The following TRABD2B variants were observed in gnomAD, a reference collection of about 807,000 sequenced individuals.
The protein encoded by TRABD2B is metalloprotease TIKI2.
A neutral mutation model predicts 40.1 loss-of-function variants in TRABD2B; 14 were observed. The observed-to-expected ratio is 0.35, with a 90% CI of 0.23 to 0.55. The LOEUF is 0.55. TRABD2B is among the 20% of genes least tolerant of loss of function. TRABD2B has a pLI of 0.90. For missense variants in TRABD2B, 541 were observed against 648.6 expected, an observed-to-expected ratio of 0.83 and a Z score of 1.80; for synonymous variants, 263 against 277.0, an observed-to-expected ratio of 0.95 and a Z score of 0.50.
intron 2 of TRABD2B, among the ~76,000 whole-genome samples, chr1:47,859,110 G>T (rs75672632): frequency 0.033 from 5,018 of 152,310 alleles, 197 homozygotes; most frequent in East Asian, 0.15. Context: ...CTTGCTGAGA[G>T]TTATCATTTT....
chr1:47,866,109 T>C (rs1644053109), intron 2 of TRABD2B, among the ~76,000 whole-genome samples: 1 of 152,032 alleles, frequency 6.6e-6, no homozygotes, highest in Non-Finnish European at 1.5e-5. Flanking sequence ...TTCTGCTCTG[T>C]GCGCAAGCAG....
Position 47,997,297 on chromosome 1 carries a change from C to G in TRABD2B, c.-508G>C, listed in dbSNP as rs1483231125. On this transcript the variant is annotated 5_prime_UTR_variant, in exon 1 of 7. Coordinates refer to ENST00000606738, the MANE Select transcript of TRABD2B (RefSeq NM_001194986.2). ...CGGCTCTGGGGCGACCGGCTGCCCCCGAGCCCGGCTCAGAGGGGCGGCGGG... is the reference window on the plus strand; with the variant it reads ...CGGCTCTGGGGCGACCGGCTGCCCCGGAGCCCGGCTCAGAGGGGCGGCGGG... 22 of 879,188 alleles carry G rather than the reference C, an allele frequency of 2.5e-5. No homozygotes were observed. The East Asian group carries it at 1.1e-3, about 45-fold the overall frequency. The allele number at this position is 879,188 out of a possible 1,614,324, so 54.5% of individuals were successfully genotyped here.
At chr1:47,931,055 AC>A (rs1645033600) in intron 2 of TRABD2B, among the ~76,000 whole-genome samples, 7 of 152,152 alleles carry the variant, frequency 4.6e-5, no homozygotes, top group Admixed American at 2.6e-4. Context: ...GAGGGCTGAG[AC>A]CTTTTCTGTA....
intron 4 of TRABD2B, among the ~76,000 whole-genome samples, chr1:47,783,069 CAA>C (rs1461697301): frequency 6.6e-6 from 1 of 151,142 alleles, no homozygotes; most frequent in Non-Finnish European, 1.5e-5. Flanking sequence ...GCCATGCAGA[CAA>C]AGAGAGGGAG....
intron 2 of TRABD2B, among the ~76,000 whole-genome samples, chr1:47,832,997 C>T (rs907573964): frequency 6.6e-6 from 1 of 152,228 alleles, no homozygotes; most frequent in Admixed American, 6.5e-5. Flanking sequence ...GTTTATTTTA[C>T]AGCCATAGAA....
At chr1:47,861,899 A>G (rs1224979984) in intron 2 of TRABD2B, among the ~76,000 whole-genome samples, 7 of 152,236 alleles carry the variant, frequency 4.6e-5, no homozygotes, top group African/African-American at 1.2e-4. Context: ...ATAATGTATA[A>G]AAAGAATTAC....
At chr1:47,885,531 T>C (rs1644359503) in intron 2 of TRABD2B, among the ~76,000 whole-genome samples, 1 of 152,200 alleles carries the variant, frequency 6.6e-6, no homozygotes, top group Non-Finnish European at 1.5e-5. Flanking sequence ...TCCCTCCACA[T>C]ACAGGTCCTC....
chr1:47,831,553 T>C (rs1377433473), intron 2 of TRABD2B, among the ~76,000 whole-genome samples: 3 of 152,176 alleles, frequency 2.0e-5, no homozygotes, highest in African/African-American at 4.8e-5. Flanking sequence ...GTGCCAAGAA[T>C]GGCAGCTCAG....
intron 3 of TRABD2B, among the ~76,000 whole-genome samples, chr1:47,795,062 C>T (rs574154062): frequency 8.8e-4 from 134 of 152,344 alleles, no homozygotes; most frequent in Non-Finnish European, 1.5e-3. Flanking sequence ...TGAGCCACTG[C>T]GCATGACCTG....
intron 2 of TRABD2B, among the ~76,000 whole-genome samples, chr1:47,946,451 T>A (rs534970867): frequency 2.6e-5 from 4 of 152,196 alleles, no homozygotes; most frequent in Non-Finnish European, 5.9e-5. Context: ...ATGAGCAATA[T>A]TGAATTTTGT....
intron 2 of TRABD2B, among the ~76,000 whole-genome samples, chr1:47,847,737 A>G (rs1392154462): frequency 6.6e-6 from 1 of 152,236 alleles, no homozygotes; most frequent in Non-Finnish European, 1.5e-5. Context: ...AGAGGGGGAA[A>G]TGTCCACATT....
chr1:47,812,437 T>A (rs1644977932), intron 2 of TRABD2B, among the ~76,000 whole-genome samples: 2 of 152,264 alleles, frequency 1.3e-5, no homozygotes, highest in South Asian at 2.1e-4. Flanking sequence ...AAGGAAAGTG[T>A]TCACCGCAGG....
intron 2 of TRABD2B, among the ~76,000 whole-genome samples, chr1:47,820,520 G>A (rs1006118235): frequency 3.9e-5 from 6 of 152,190 alleles, no homozygotes; most frequent in Non-Finnish European, 5.9e-5. Flanking sequence ...AGGAAAATGC[G>A]CCTAAAAGGA....
At chr1:47,932,701 G>A (rs759685500) in intron 2 of TRABD2B, among the ~76,000 whole-genome samples, 4 of 152,188 alleles carry the variant, frequency 2.6e-5, no homozygotes, top group Non-Finnish European at 4.4e-5. Flanking sequence ...ACATGGCAGA[G>A]CCTTGGGTTC....
chr1:47,924,804 A>G (rs1644948995), intron 2 of TRABD2B, among the ~76,000 whole-genome samples: 2 of 152,214 alleles, frequency 1.3e-5, no homozygotes, highest in South Asian at 2.1e-4. Flanking sequence ...TCTAGGGCAG[A>G]GGACCGGTGC....
intron 5 of TRABD2B, 130 bp from the exon 6 acceptor site, chr1:47,775,569 G>C: frequency 1.1e-6 from 1 of 950,100 alleles, no homozygotes; most frequent in East Asian, 3.3e-5. Flanking sequence ...TGCTGGGCCC[G>C]GTGACAGCAG....
chr1:47,794,250 G>A (rs551777599), intron 4 of TRABD2B, among the ~76,000 whole-genome samples: 1 of 152,310 alleles, frequency 6.6e-6, no homozygotes, highest in Admixed American at 6.5e-5. Flanking sequence ...CCTTGCTCCT[G>A]GCTCTGTGGG....
chr1:47,958,429 G>A, intron 2 of TRABD2B, among the ~76,000 whole-genome samples: 1 of 147,802 alleles, frequency 6.8e-6, no homozygotes, highest in Non-Finnish European at 1.5e-5. Context: ...TGGATAAAGA[G>A]TCAAGACCCA....
At chr1:47,882,962 T>G (rs1233463044) in intron 2 of TRABD2B, among the ~76,000 whole-genome samples, 1 of 152,140 alleles carries the variant, frequency 6.6e-6, no homozygotes, top group African/African-American at 2.4e-5. Flanking sequence ...CGCAGTACCA[T>G]GTGGTAACAG....
Sources: allele counts gnomAD v4.1 joint callset (sites outside exome capture counted in the v4.1 genomes callset), GRCh38; gene constraint gnomAD v4.1.1; transcripts MANE v1.5; gene names NCBI Gene and HGNC (gene_info 2026-07-23, HGNC 2026-07-21).